Variants in CACNA2D3 observed in about 807,000 individuals in gnomAD.
The protein encoded by CACNA2D3 is calcium voltage-gated channel auxiliary subunit alpha2delta 3.
In CACNA2D3, 60 loss-of-function variants were observed where a neutral mutation model predicts 160.6. The observed-to-expected ratio is 0.37, with a 90% CI of 0.30 to 0.46. CACNA2D3 has a LOEUF of 0.46. Ranked by LOEUF, CACNA2D3 falls within the 20% of genes least tolerant of loss-of-function variation. CACNA2D3 has a pLI of 1.00. For missense variants in CACNA2D3, 1,205 were observed against 1,365.0 expected, an observed-to-expected ratio of 0.88 and a Z score of 1.85; for synonymous variants, 558 against 492.9, an observed-to-expected ratio of 1.13 and a Z score of -1.75.
intron 4 of CACNA2D3, among the ~76,000 whole-genome samples, chr3:54,486,711 A>G (rs905652747): frequency 4.6e-5 from 7 of 152,168 alleles, no homozygotes; most frequent in African/African-American, 7.2e-5. Flanking sequence ...CCCAGGGTGC[A>G]GGGACCTCAG....
At chr3:54,831,266 G>T (rs181853398) in intron 14 of CACNA2D3, among the ~76,000 whole-genome samples, 2 of 152,286 alleles carry the variant, frequency 1.3e-5, no homozygotes, top group Admixed American at 6.5e-5. Flanking sequence ...GTCCTCAAAT[G>T]GGCTGCCAAG....
rs773954103 is a variant in CACNA2D3 at position 54,326,120 on chromosome 3, A to AT, written c.321+5563dup. Among the ~76,000 whole-genome samples, 9 of 152,318 alleles carry AT rather than the reference A, an allele frequency of 5.9e-5. No individual in the cohort carries two copies. The South Asian group carries it at 1.7e-3, about 28-fold the overall frequency. ...AGTGCATTCACGCATCAGTCCACCG[A>AT]TAGGGGTTTATCTGGAGAAACCTGG... On this transcript the variant is annotated intron_variant, in intron 3 of 37. Transcript: ENST00000474759.
chr3:54,918,465 T>A (rs764950747), intron 27 of CACNA2D3: 1 of 1,612,456 alleles, frequency 6.2e-7, no homozygotes, highest in Non-Finnish European at 8.5e-7. Context: ...GCTCTCAGGC[T>A]GGTGAGCTGT....
intron 4 of CACNA2D3, among the ~76,000 whole-genome samples, chr3:54,465,759 T>G (rs572920919): frequency 6.6e-6 from 1 of 152,364 alleles, no homozygotes; most frequent in East Asian, 1.9e-4. Context: ...TATTGTTGCA[T>G]AACTCGTTAA....
chr3:54,339,208 C>T (rs1021001685), intron 3 of CACNA2D3, among the ~76,000 whole-genome samples: 4 of 152,168 alleles, frequency 2.6e-5, no homozygotes, highest in African/African-American at 9.7e-5. Context: ...GTGAATGTGC[C>T]AACCTCTTCT....
intron 2 of CACNA2D3, among the ~76,000 whole-genome samples, chr3:54,234,162 T>TA (rs1215245784): frequency 7.3e-5 from 11 of 151,606 alleles, no homozygotes; most frequent in African/African-American, 1.9e-4. Flanking sequence ...AAATTTACAA[T>TA]AAAAAAAACT....
chr3:54,159,638 G>C (rs1040701488), intron 2 of CACNA2D3, among the ~76,000 whole-genome samples: 1 of 152,062 alleles, frequency 6.6e-6, no homozygotes, highest in African/African-American at 2.4e-5. Context: ...AGTTCCCATG[G>C]GCTTAACACT....
At chr3:54,710,205 A>G (rs1700930130) in intron 11 of CACNA2D3, among the ~76,000 whole-genome samples, 1 of 152,192 alleles carries the variant, frequency 6.6e-6, no homozygotes, top group South Asian at 2.1e-4. Context: ...GCAAACCCCA[A>G]ATAAAATACT....
In CACNA2D3 at chr3:54,525,000, T is replaced by C. The variant is rs1701703021; in HGVS notation, c.544+21346T>C. On this transcript the variant is annotated intron_variant, in intron 5 of 37. Coordinates refer to ENST00000474759, the MANE Select transcript of CACNA2D3 (RefSeq NM_018398.3). The stretch of plus-strand genomic sequence containing the variant: ...TAATTAATTCACATTTATTATTAAG[T>C]CTGATGTTAGCATAGCATATATTCA... 2.6e-5 allele frequency among the ~76,000 whole-genome samples: 4 copies of C among 152,236 alleles called. No individual in the cohort carries two copies. In the South Asian group the frequency reaches 8.3e-4, roughly 32 times the overall value.
chr3:54,420,319 G>A (rs1033314367), intron 4 of CACNA2D3, among the ~76,000 whole-genome samples: 9 of 152,028 alleles, frequency 5.9e-5, no homozygotes, highest in African/African-American at 7.3e-5. Context: ...TCTTTACCTC[G>A]TGATCCACCC....
At chr3:54,782,826 G>T (rs1328195691) in intron 13 of CACNA2D3, among the ~76,000 whole-genome samples, 1 of 152,170 alleles carries the variant, frequency 6.6e-6, no homozygotes, top group African/African-American at 2.4e-5. Context: ...TGTGCAAATT[G>T]ATGATGCACT....
At chr3:54,806,034 G>A (rs1030581894) in intron 13 of CACNA2D3, among the ~76,000 whole-genome samples, 1 of 152,068 alleles carries the variant, frequency 6.6e-6, no homozygotes, top group African/African-American at 2.4e-5. Flanking sequence ...AATAAATTAG[G>A]TATTGATGAG....
intron 11 of CACNA2D3, among the ~76,000 whole-genome samples, chr3:54,689,010 A>AAAAAAAAAGAGAG (rs1553785965): frequency 1.2e-5 from 1 of 85,496 alleles, no homozygotes; most frequent in Non-Finnish European, 2.2e-5. Flanking sequence ...AAAAAAAAAA[A>AAAAAAAAAGAGAG]AGAATGAGGT....
At chr3:54,733,980 C>T (rs982583090) in intron 11 of CACNA2D3, among the ~76,000 whole-genome samples, 5 of 151,424 alleles carry the variant, frequency 3.3e-5, no homozygotes, top group African/African-American at 1.2e-4. Flanking sequence ...AAAGCACCTT[C>T]TTGATGTTTC....
intron 11 of CACNA2D3, among the ~76,000 whole-genome samples, chr3:54,709,263 C>T (rs539534725): frequency 6.6e-5 from 10 of 152,180 alleles, no homozygotes; most frequent in African/African-American, 2.4e-4. Context: ...GATCCGCCTG[C>T]CTTGGCGTCC....
intron 3 of CACNA2D3, among the ~76,000 whole-genome samples, chr3:54,332,867 T>A (rs1000649146): frequency 6.6e-6 from 1 of 152,120 alleles, no homozygotes; most frequent in Non-Finnish European, 1.5e-5. Flanking sequence ...ACTGTTAAGA[T>A]CTAGATTTAT....
chr3:54,854,665 G>C (rs1699127666), intron 17 of CACNA2D3, among the ~76,000 whole-genome samples: 1 of 152,176 alleles, frequency 6.6e-6, no homozygotes, highest in African/African-American at 2.4e-5. Flanking sequence ...TGGGTGCCTT[G>C]CCTGGGTCAG....
chr3:54,984,726 AG>A, intron 30 of CACNA2D3, 56 bp downstream of exon 30: 1 of 1,050,964 alleles, frequency 9.5e-7, no homozygotes, highest in Non-Finnish European at 1.4e-6. Flanking sequence ...TGCTTGGGTC[AG>A]GGGGAACAAA....
chr3:54,256,887 T>C (rs1017279100), intron 2 of CACNA2D3, among the ~76,000 whole-genome samples: 1 of 152,018 alleles, frequency 6.6e-6, no homozygotes, highest in Non-Finnish European at 1.5e-5. Context: ...CAGGATACAA[T>C]AGAAGTATGG....
Sources: allele counts gnomAD v4.1 joint callset (sites outside exome capture counted in the v4.1 genomes callset), GRCh38; gene constraint gnomAD v4.1.1; transcripts MANE v1.5; gene names NCBI Gene and HGNC (gene_info 2026-07-23, HGNC 2026-07-21).